The following TUBGCP3 variants were observed in gnomAD, a reference collection of about 807,000 sequenced individuals.
The protein encoded by TUBGCP3 is gamma-tubulin complex component 3.
TUBGCP3 carries 50 observed loss-of-function variants against 123.1 expected under a neutral mutation model. The observed-to-expected ratio is 0.41, with a 90% CI of 0.32 to 0.51. The LOEUF (loss-of-function observed/expected upper bound fraction) is 0.51. TUBGCP3 is among the 20% of genes least tolerant of loss of function. The probability of loss-of-function intolerance (pLI) is 0.36; values close to 1 mark genes in which losing one functional copy is unlikely to be tolerated. For synonymous variants in TUBGCP3, 405 were observed against 413.9 expected, an observed-to-expected ratio of 0.98 and a Z score of 0.26; for missense variants, 882 against 1,127.0, an observed-to-expected ratio of 0.78 and a Z score of 3.11.
chr13:112,578,268 A>G (rs1360782745), intron 1 of TUBGCP3, among the ~76,000 whole-genome samples: 4 of 151,970 alleles, frequency 2.6e-5, no homozygotes, highest in Admixed American at 2.6e-4. Flanking sequence ...AGTTAAAAGA[A>G]CCTGCTCTCG....
intron 19 of TUBGCP3, among the ~76,000 whole-genome samples, chr13:112,499,412 G>A (rs892932356): frequency 6.6e-5 from 10 of 152,156 alleles, no homozygotes; most frequent in African/African-American, 2.2e-4. Context: ...ACCTGCACCC[G>A]TAACAAGAGC....
In TUBGCP3 at chr13:112,538,138, A is replaced by T. The variant is rs553527428; in HGVS notation, c.1335+7561T>A. ...TGCTCTGTCTCTCTACAGTTTGGTT[A>T]TATAGGTTGAGTATCCCTAATCTCA... On this transcript the variant is annotated intron_variant, in intron 11 of 21. Coordinates refer to ENST00000261965, the MANE Select transcript of TUBGCP3 (RefSeq NM_006322.6). Among the ~76,000 whole-genome samples, 4 of 152,334 alleles carry T rather than the reference A, an allele frequency of 2.6e-5. No homozygotes were observed. The South Asian group carries it at 8.3e-4, about 32-fold the overall frequency.
intron 1 of TUBGCP3, among the ~76,000 whole-genome samples, chr13:112,572,571 G>C (rs1054181048): frequency 6.6e-6 from 1 of 152,136 alleles, no homozygotes; most frequent in African/African-American, 2.4e-5. Context: ...TCACTGTAAG[G>C]CTATTAACTG....
At chr13:112,558,526 G>A in intron 4 of TUBGCP3, 113 bp from the exon 5 acceptor site, 1 of 907,204 alleles carries the variant, frequency 1.1e-6, no homozygotes, top group Non-Finnish European at 1.6e-6. Context: ...ACTGGATTTG[G>A]GTTCCATACT....
In TUBGCP3 at chr13:112,527,467, A is replaced by C; in HGVS notation, c.1353T>G (p.Asp451Glu). ...DTYHEFFVASDPTVKTDRLWH... is the reference protein window; with the variant it reads ...DTYHEFFVASEPTVKTDRLWH... Reference sequence around the variant, plus strand: ...ACAGTCGATCTGTTTTAACTGTTGGATCTGATGCTACAAAAAACTGAAAGC... The same window carrying C: ...ACAGTCGATCTGTTTTAACTGTTGGCTCTGATGCTACAAAAAACTGAAAGC... The change falls in exon 12 of 22, where the codon GAT (aspartate) becomes GAG (glutamate). Residue 451 changes from aspartate (D) to glutamate (E), a missense_variant. Asp to Glu is a conservative substitution (Grantham distance 45). Around this residue, in one of 3 missense-constraint regions of TUBGCP3, gnomAD observed 713 missense variants for 874.0 expected, o/e 0.82. Transcript: ENST00000261965. The C allele has an allele frequency of 6.2e-7, 1 of 1,612,894 alleles. No homozygotes were observed.
At chr13:112,494,536 T>C (rs1483496428) in intron 20 of TUBGCP3, among the ~76,000 whole-genome samples, 1 of 152,260 alleles carries the variant, frequency 6.6e-6, no homozygotes, top group Non-Finnish European at 1.5e-5. Flanking sequence ...ACCTGTGGGC[T>C]TCTGGACCTT....
chr13:112,601,399 T>G, the TUBGCP3 span, among the ~76,000 whole-genome samples: 1 of 152,172 alleles, frequency 6.6e-6, no homozygotes, highest in Non-Finnish European at 1.5e-5. Context: ...ATTGGTTTAG[T>G]GTTCTCATTC....
Position 112,579,715 on chromosome 13 carries a change from G to A in TUBGCP3, c.76+8190C>T, listed in dbSNP as rs534995043. On this transcript the variant is annotated intron_variant, in intron 1 of 21. Transcript: ENST00000261965. The stretch of plus-strand genomic sequence containing the variant: ...TGCGGGTGGAGCCATGGCATCCCTG[G>A]AGCTCTCCCACACTGCTGGTGCAGC... Among the ~76,000 whole-genome samples the A allele has an allele frequency of 2.6e-5, 4 of 152,006 alleles. No individual in the cohort carries two copies. The South Asian group carries it at 8.3e-4, about 32-fold the overall frequency.
intron 11 of TUBGCP3, among the ~76,000 whole-genome samples, chr13:112,530,448 G>A (rs1006580798): frequency 6.6e-6 from 1 of 152,200 alleles, no homozygotes; most frequent in Non-Finnish European, 1.5e-5. Context: ...ACTGACCCTT[G>A]AATCACACCA....
intron 20 of TUBGCP3, among the ~76,000 whole-genome samples, chr13:112,494,422 T>C (rs1195109941): frequency 6.6e-6 from 1 of 152,206 alleles, no homozygotes; most frequent in Non-Finnish European, 1.5e-5. Flanking sequence ...AAACTTAGTA[T>C]AGTAAAATAG....
Position 112,522,417 on chromosome 13 carries a change from T to C in TUBGCP3, c.1648A>G (p.Asn550Asp). Residue 550 changes from asparagine (N) to aspartate (D), a missense_variant, in exon 14 of 22, where the codon AAT becomes GAT. By Grantham distance (23) the Asn-to-Asp change is conservative. Transcript: ENST00000261965. ...ETSKYLLDVL[N>D]KKYSLLDHMQ... ...TGGTCCAGCAAGCTGTACTTTTTATTGAGAACATCCAACAGGTATTTGCTG... is the reference window on the plus strand; with the variant it reads ...TGGTCCAGCAAGCTGTACTTTTTATCGAGAACATCCAACAGGTATTTGCTG... The C allele has an allele frequency of 6.2e-7, 1 of 1,614,220 alleles. No individual in the cohort carries two copies. Among genetic ancestry groups the C allele is most frequent in the African/African-American group, 1.3e-5 (1 of 75,074 alleles).
intron 5 of TUBGCP3, 117 bp from the exon 6 acceptor site, chr13:112,556,341 T>C (rs1441656546): frequency 3.3e-5 from 33 of 985,296 alleles, no homozygotes; most frequent in Non-Finnish European, 4.0e-5. Context: ...AAATCTGGTA[T>C]AGCTGATACC....
chr13:112,535,816 G>A (rs1364450118), intron 11 of TUBGCP3, among the ~76,000 whole-genome samples: 7 of 152,132 alleles, frequency 4.6e-5, no homozygotes, highest in Non-Finnish European at 8.8e-5. Context: ...TGGTGCTTTT[G>A]ATGACATATC....
chr13:112,600,567 A>G, the TUBGCP3 span, among the ~76,000 whole-genome samples: 1 of 152,216 alleles, frequency 6.6e-6, no homozygotes, highest in Non-Finnish European at 1.5e-5. Flanking sequence ...TTAGAAGTCA[A>G]GAAGTCTTTT....
At chr13:112,496,207 T>C (rs1329342191) in intron 20 of TUBGCP3, among the ~76,000 whole-genome samples, 1 of 152,224 alleles carries the variant, frequency 6.6e-6, no homozygotes, top group Non-Finnish European at 1.5e-5. Flanking sequence ...CCTTTAATCC[T>C]ACATTTGAAT....
chr13:112,593,854 G>T, the TUBGCP3 span, among the ~76,000 whole-genome samples: 1 of 151,916 alleles, frequency 6.6e-6, no homozygotes. Context: ...AGGAATAAAA[G>T]AAATAACATA....
At chr13:112,502,739 G>A (rs2138995531) in intron 19 of TUBGCP3, among the ~76,000 whole-genome samples, 1 of 151,806 alleles carries the variant, frequency 6.6e-6, no homozygotes, top group South Asian at 2.1e-4. Context: ...TAGAGACGGG[G>A]TTTCACAGTC....
At position 112,536,376 on chromosome 13, in the gene TUBGCP3, G is replaced by C. The variant is rs1327957258; in HGVS notation, c.1336-8892C>G. Among the ~76,000 whole-genome samples the C allele has an allele frequency of 2.6e-5, 4 of 152,176 alleles. No individual in the cohort carries two copies. In the East Asian group the frequency reaches 5.8e-4, roughly 22 times the overall value. ...ATCAAACATTGAAAGTGTGTCTCAT[G>C]TTGGGGAAGCACTGCCATCTTAGCA... On this transcript the variant is annotated intron_variant, in intron 11 of 21. Transcript: ENST00000261965.
chr13:112,486,076 C>T lies in TUBGCP3; in HGVS notation c.2641G>A (p.Asp881Asn). 1.2e-6 allele frequency: 2 copies of T among 1,610,510 alleles called. No homozygotes were observed. The highest frequency in any genetic ancestry group is 1.7e-6 in the Non-Finnish European group (2 of 1,177,240). The change falls in exon 22 of 22, where the codon GAC (aspartate) becomes AAC (asparagine). Residue 881 changes from aspartate (D) to asparagine (N), a missense_variant. By Grantham distance (23) the Asp-to-Asn change is conservative (BLOSUM62 1). Coordinates refer to ENST00000261965, the MANE Select transcript of TUBGCP3 (RefSeq NM_006322.6). The part of the protein sequence containing the change: ...ESLRFLSFRL[D>N]FNEHYKAREP... Reference sequence around the variant, plus strand: ...CTGGCTTTGTAATGCTCGTTGAAGTCCAGCCTGAAGCTAAGAAACCGAAGA... The same window carrying T: ...CTGGCTTTGTAATGCTCGTTGAAGTTCAGCCTGAAGCTAAGAAACCGAAGA...
Sources: gnomAD v4.1 joint callset for allele counts (sites outside exome capture counted in the v4.1 genomes callset) on GRCh38, gnomAD v4.1.1 for gene constraint, gnomAD v4.1.1 regional missense constraint, MANE v1.5 for transcripts, NCBI Gene and HGNC (gene_info 2026-07-23, HGNC 2026-07-21) for gene names.